PCDHA3: variants seen among roughly 807,000 people sequenced by gnomAD.
PCDHA3 encodes protocadherin alpha 3, also known as protocadherin alpha-3.
In PCDHA3, 41 loss-of-function variants were observed where a neutral mutation model predicts 62.2. The observed-to-expected ratio is 0.66, with a 90% CI of 0.51 to 0.86. The LOEUF is 0.86. PCDHA3 is among the 40% of genes least tolerant of loss of function. The pLI is 0.00. For missense variants in PCDHA3, 1,304 were observed against 1,241.2 expected, an observed-to-expected ratio of 1.05 and a Z score of -0.76; for synonymous variants, 640 against 555.4, an observed-to-expected ratio of 1.15 and a Z score of -2.14.
chr5:140,806,311 C>G (rs1763716271), intron 1 of PCDHA3, among the ~76,000 whole-genome samples: 1 of 152,120 alleles, frequency 6.6e-6, no homozygotes, highest in South Asian at 2.1e-4. Context: ...AAAATAGAAG[C>G]TTAGGCACAT....
intron 1 of PCDHA3, chr5:140,808,501 G>A (rs781840544): frequency 1.1e-5 from 18 of 1,614,178 alleles, no homozygotes; most frequent in Middle Eastern, 1.7e-4. Context: ...TGTGGGCCAC[G>A]GCCAGTGTTT....
At chr5:140,884,574 T>C (rs1554181755) in intron 1 of PCDHA3, 1 of 1,614,014 alleles carries the variant, frequency 6.2e-7, no homozygotes, top group East Asian at 2.2e-5. Context: ...AAGACGGACC[T>C]CATGGCCTTC....
chr5:140,882,996 A>G lies in PCDHA3; in HGVS notation c.2394+79405A>G, dbSNP rs782381110. On this transcript the variant is annotated intron_variant, in intron 1 of 3. Transcript: ENST00000522353. The stretch of plus-strand genomic sequence containing the variant: ...GTGAATGACAACGCCCCGGAATTTT[A>G]CCAATCCGTTTATAAAGTGACGGTG... 2.9e-5 allele frequency: 46 copies of G among 1,614,024 alleles called. No individual in the cohort carries two copies. The Middle Eastern group carries it at 4.9e-4, about 17-fold the overall frequency.
rs1359152136 is a variant in PCDHA3, at chr5:140,969,072, C to T, written c.2395-9877C>T. 2.1e-5 allele frequency: 34 copies of T among 1,613,982 alleles called. No individual in the cohort carries two copies. The highest frequency in any genetic ancestry group is 5.0e-5 in the Admixed American group (3 of 59,998). On this transcript the variant is annotated intron_variant, in intron 1 of 3. Transcript: ENST00000522353. ...AACAACAATATTGATGCCAGGATACCGCATGGCCTCAAAGTGCAGCCTCAC... is the reference window on the plus strand; with the variant it reads ...AACAACAATATTGATGCCAGGATACTGCATGGCCTCAAAGTGCAGCCTCAC...
chr5:140,901,557 A>G (rs782333756), intron 1 of PCDHA3, among the ~76,000 whole-genome samples: 4 of 152,034 alleles, frequency 2.6e-5, no homozygotes, highest in Non-Finnish European at 5.9e-5. Context: ...CCATTCATCT[A>G]TGTGTCTGTT....
rs544594142 is a variant in PCDHA3, at chr5:141,011,456, T to C, written c.*1519T>C. On this transcript the variant is annotated 3_prime_UTR_variant, in exon 4 of 4. Transcript: ENST00000522353. Reference sequence around the variant, plus strand: ...TACCTAGAGTGAACTTTAAGCTTTATTGTTGAATGTAATTCCATTATATTT... The same window carrying C: ...TACCTAGAGTGAACTTTAAGCTTTACTGTTGAATGTAATTCCATTATATTT... The C allele has an allele frequency of 1.3e-5, 2 of 153,928 alleles. No homozygotes were observed. The highest frequency in any genetic ancestry group is 6.8e-3 in the Middle Eastern group (2 of 292). 9.5% of individuals were successfully genotyped at this position (153,928 alleles called of 1,614,324 possible).
chr5:140,993,266 T>G (rs1049781348), intron 3 of PCDHA3, among the ~76,000 whole-genome samples: 1 of 152,182 alleles, frequency 6.6e-6, no homozygotes, highest in Non-Finnish European at 1.5e-5. Flanking sequence ...AATTAGCTTC[T>G]TTGGTCTTTT....
intron 1 of PCDHA3, chr5:140,835,845 G>A (rs2150246372): frequency 2.5e-6 from 4 of 1,612,312 alleles, no homozygotes; most frequent in Non-Finnish European, 1.7e-6. Flanking sequence ...GCAGAAGAAC[G>A]CGCTGGTGTC....
chr5:140,961,599 G>A (rs1012408317), intron 1 of PCDHA3, among the ~76,000 whole-genome samples: 3 of 152,062 alleles, frequency 2.0e-5, no homozygotes, highest in Non-Finnish European at 4.4e-5. Flanking sequence ...AATGATTCTA[G>A]TAAATGAAAC....
chr5:140,991,433 T>G (rs1441155854), intron 3 of PCDHA3, among the ~76,000 whole-genome samples: 1 of 152,194 alleles, frequency 6.6e-6, no homozygotes, highest in Non-Finnish European at 1.5e-5. Context: ...AACCATAAAC[T>G]TCATGGCTTA....
chr5:140,983,526 A>G (rs1421450953), intron 3 of PCDHA3, among the ~76,000 whole-genome samples: 3 of 152,230 alleles, frequency 2.0e-5, no homozygotes, highest in Admixed American at 2.0e-4. Flanking sequence ...TGCCAAGTAC[A>G]TTGTATGTGT....
chr5:140,883,302 A>G, intron 1 of PCDHA3: 1 of 1,614,110 alleles, frequency 6.2e-7, no homozygotes, highest in Non-Finnish European at 8.5e-7. Flanking sequence ...GATGTAAATG[A>G]TAACGCCCCA....
rs199902550 is a variant in PCDHA3 at position 140,965,368 on chromosome 5, A to C, written c.2395-13581A>C. On this transcript the variant is annotated intron_variant, in intron 1 of 3. Transcript: ENST00000522353. ...TTGCCTCTATAGCAGTACAAGAGGAAACTTGGGGACACAGAAGAACAGAAG... is the reference window on the plus strand; with the variant it reads ...TTGCCTCTATAGCAGTACAAGAGGACACTTGGGGACACAGAAGAACAGAAG... 8.5e-5 allele frequency among the ~76,000 whole-genome samples: 13 copies of C among 152,290 alleles called. No homozygotes were observed. The East Asian group carries it at 2.5e-3, about 29-fold the overall frequency.
intron 1 of PCDHA3, among the ~76,000 whole-genome samples, chr5:140,941,281 C>G (rs12652617): frequency 1.4e-5 from 1 of 69,002 alleles, no homozygotes. Flanking sequence ...TTCCTTCCTT[C>G]CTTTCTCTTT....
chr5:140,851,644 C>A, intron 1 of PCDHA3: 1 of 913,486 alleles, frequency 1.1e-6, no homozygotes, highest in Non-Finnish European at 1.3e-6. Flanking sequence ...TTCCTTTCTT[C>A]AAGAAGACAT....
chr5:140,870,257 C>T (rs1554163963), intron 1 of PCDHA3: 1 of 1,614,172 alleles, frequency 6.2e-7, no homozygotes, highest in Non-Finnish European at 8.5e-7. Context: ...GGACAGGTGA[C>T]CTGCTCGCTG....
intron 1 of PCDHA3, chr5:140,855,976 G>C: frequency 6.9e-7 from 1 of 1,448,118 alleles, no homozygotes; most frequent in Non-Finnish European, 9.3e-7. Context: ...TAAGAAATAG[G>C]ACAGAAAATG....
intron 1 of PCDHA3, chr5:140,856,366 G>A (rs1388631411): frequency 1.3e-6 from 2 of 1,598,482 alleles, no homozygotes; most frequent in Admixed American, 1.7e-5. Context: ...TCCACCTGGA[G>A]GTGATCGTGG....
At chr5:140,808,263 T>A (rs782815888) in intron 1 of PCDHA3, 2 of 1,614,224 alleles carry the variant, frequency 1.2e-6, no homozygotes, top group African/African-American at 2.7e-5. Context: ...TCACTTCCAA[T>A]TAGAGAGGAC....
Sources: gnomAD v4.1 joint callset for allele counts (sites outside exome capture counted in the v4.1 genomes callset) on GRCh38, gnomAD v4.1.1 for gene constraint, MANE v1.5 for transcripts, NCBI Gene and HGNC (gene_info 2026-07-23, HGNC 2026-07-21) for gene names.